SMCHD1: variants seen among roughly 807,000 people sequenced by gnomAD.
The protein encoded by SMCHD1 is structural maintenance of chromosomes flexible hinge domain containing 1.
Under a neutral mutation model 254.7 loss-of-function variants are expected in SMCHD1, and 78 were observed. The observed-to-expected ratio is 0.31, with a 90% CI of 0.26 to 0.37. The LOEUF (loss-of-function observed/expected upper bound fraction) is 0.37. SMCHD1 is among the 10% of genes least tolerant of loss of function. SMCHD1 has a pLI of 1.00. For missense variants in SMCHD1, 1,840 were observed against 2,408.1 expected (o/e 0.76, Z 4.94); for synonymous variants, 766 against 794.9 (o/e 0.96, Z 0.61).
intron 7 of SMCHD1, among the ~76,000 whole-genome samples, chr18:2,691,285 G>C (rs556468375): frequency 4.5e-4 from 68 of 152,314 alleles, no homozygotes; most frequent in African/African-American, 1.6e-3. Context: ...ATACAACTGT[G>C]TCTCTTGGAG....
chr18:2,668,312 T>A (rs2073494871), intron 3 of SMCHD1, among the ~76,000 whole-genome samples: 1 of 152,232 alleles, frequency 6.6e-6, no homozygotes, highest in East Asian at 1.9e-4. Flanking sequence ...TCATTACTAT[T>A]GGCTACAGTG....
chr18:2,685,176 T>C (rs1598312043), intron 5 of SMCHD1, among the ~76,000 whole-genome samples: 2 of 142,546 alleles, frequency 1.4e-5, no homozygotes, highest in South Asian at 4.8e-4. Flanking sequence ...CTCGGCTCAC[T>C]GCAAACTCTG....
intron 19 of SMCHD1, among the ~76,000 whole-genome samples, chr18:2,721,166 A>T (rs1014987958): frequency 5.9e-5 from 9 of 152,164 alleles, no homozygotes; most frequent in Non-Finnish European, 2.9e-5. Context: ...AATCAGATTC[A>T]GTCTCTGCTT....
chr18:2,656,631 T>A (rs1021806779), intron 1 of SMCHD1, among the ~76,000 whole-genome samples: 1 of 152,244 alleles, frequency 6.6e-6, no homozygotes, highest in African/African-American at 2.4e-5. Context: ...ACTTTGTAAC[T>A]TTTTTAAAAC....
chr18:2,681,376 G>C (rs1416947710), intron 5 of SMCHD1, among the ~76,000 whole-genome samples: 1 of 139,648 alleles, frequency 7.2e-6, no homozygotes, highest in Non-Finnish European at 1.5e-5. Flanking sequence ...TTGCGCCGCT[G>C]TACTCCAGCC....
Position 2,685,096 on chromosome 18 carries a change from TTTTTTC to T in SMCHD1, c.639-3292_639-3287del, listed in dbSNP as rs1302696754. ...CACACTGTTCTGTTCTGTCCCTTAT[TTTTTTC>T]TTTTTTTTTTTTTTTTGAGACGAGT... On this transcript the variant is annotated intron_variant, in intron 5 of 47. Transcript: ENST00000320876. 1.4e-4 allele frequency among the ~76,000 whole-genome samples: 18 copies of T among 125,022 alleles called. 1 individual carries two copies. In the South Asian group the frequency reaches 3.0e-3, roughly 21 times the overall value. The allele number at this position is 125,022 out of a possible 152,430, so 82.0% of individuals were successfully genotyped here. A position where few individuals can be genotyped will look rare whatever the true frequency, so the allele number is the denominator to read the frequency against.
chr18:2,796,828 C>T, intron 47 of SMCHD1: 1 of 266,962 alleles, frequency 3.7e-6, no homozygotes, highest in South Asian at 4.9e-5. Context: ...AGCAGTCTGC[C>T]TGTCTTGGCC....
intron 24 of SMCHD1, among the ~76,000 whole-genome samples, chr18:2,731,457 T>G (rs2075138660): frequency 6.6e-6 from 1 of 152,182 alleles, no homozygotes; most frequent in Admixed American, 6.5e-5. Context: ...GTTGACCAGT[T>G]GTCTTCAGGG....
intron 34 of SMCHD1, among the ~76,000 whole-genome samples, chr18:2,753,761 G>T (rs1469698884): frequency 6.6e-6 from 1 of 151,998 alleles, no homozygotes; most frequent in Non-Finnish European, 1.5e-5. Flanking sequence ...TCACCAAGTT[G>T]CTCTGGCTAG....
At chr18:2,759,532 G>T (rs1598412715) in intron 34 of SMCHD1, among the ~76,000 whole-genome samples, 8 of 93,448 alleles carry the variant, frequency 8.6e-5, no homozygotes, top group Non-Finnish European at 8.8e-5. Context: ...ATGAAGGGTT[G>T]GCCTGCCATT....
In SMCHD1 at chr18:2,673,338, G is replaced by A; in HGVS notation, c.482G>A (p.Gly161Glu). 6.4e-7 allele frequency: 1 copy of A among 1,574,798 alleles called. No homozygotes were observed. The highest frequency in any genetic ancestry group is 8.7e-7 in the Non-Finnish European group (1 of 1,153,142). Reference protein sequence around the residue: ...NSLSATSRNIGVRRIQIKLLF... With the variant: ...NSLSATSRNIEVRRIQIKLLF... ...TTGTCTGCTACTTCTCGTAACATTG[G>A]GGTTAGAAGAATACAGATCAAATTG... Residue 161 changes from glycine (G) to glutamate (E), a missense_variant, in exon 4 of 48, where the codon GGG becomes GAG. Physicochemically the swap from Gly to Glu is moderately conservative, Grantham distance 98 (BLOSUM62 -2). Around this residue, in one of 9 missense-constraint regions of SMCHD1, gnomAD observed 498 missense variants for 743.5 expected, o/e 0.67. Transcript: ENST00000320876.
At chr18:2,665,833 A>G (rs622289) in intron 1 of SMCHD1, among the ~76,000 whole-genome samples, 28,121 of 152,130 alleles carry the variant, frequency 0.18, 6,494 homozygotes, top group African/African-American at 0.55. Context: ...CTTGTACGTT[A>G]GTATGAAATA....
intron 29 of SMCHD1, among the ~76,000 whole-genome samples, chr18:2,747,147 G>A (rs300295): frequency 0.75 from 114,699 of 152,070 alleles, 43,286 homozygotes; most frequent in Admixed American, 0.8. Flanking sequence ...TAGCATTTGC[G>A]TTGTATTAGA....
intron 37 of SMCHD1, among the ~76,000 whole-genome samples, chr18:2,765,116 C>A (rs532143245): frequency 2.6e-5 from 4 of 152,052 alleles, no homozygotes; most frequent in Admixed American, 2.0e-4. Flanking sequence ...CCGACCATTT[C>A]TTTTAGAATT....
chr18:2,762,324 G>T, intron 36 of SMCHD1, 88 bp downstream of exon 36: 1 of 1,278,316 alleles, frequency 7.8e-7, no homozygotes, highest in East Asian at 2.3e-5. Flanking sequence ...TATGGATTCT[G>T]TCAGTTACTC....
intron 1 of SMCHD1, among the ~76,000 whole-genome samples, chr18:2,662,435 C>T (rs745456418): frequency 6.6e-6 from 1 of 151,568 alleles, no homozygotes; most frequent in Non-Finnish European, 1.5e-5. Context: ...CATCTGAGGT[C>T]AGGAGTTTGA....
intron 24 of SMCHD1, among the ~76,000 whole-genome samples, chr18:2,730,045 G>C (rs556890519): frequency 3.3e-5 from 5 of 152,122 alleles, no homozygotes; most frequent in Non-Finnish European, 7.4e-5. Flanking sequence ...ATTTGTTTTA[G>C]AAAGCTTGGT....
chr18:2,715,487 A>G (rs531940619), intron 17 of SMCHD1, among the ~76,000 whole-genome samples: 3 of 152,166 alleles, frequency 2.0e-5, no homozygotes, highest in Middle Eastern at 3.4e-3. Flanking sequence ...TAAATTTCTC[A>G]TTCATATCCT....
intron 26 of SMCHD1, 88 bp downstream of exon 26, chr18:2,738,633 A>G: frequency 8.9e-7 from 1 of 1,121,412 alleles, no homozygotes; most frequent in Non-Finnish European, 1.2e-6. Flanking sequence ...TAATGTAAAA[A>G]TATTACGGTT....
Sources: allele counts gnomAD v4.1 joint callset (sites outside exome capture counted in the v4.1 genomes callset), GRCh38; gene constraint gnomAD v4.1.1; regional missense constraint gnomAD v4.1.1; transcripts MANE v1.5; gene names NCBI Gene and HGNC (gene_info 2026-07-23, HGNC 2026-07-21).